The following CADPS2 variants were observed in gnomAD, a reference collection of about 807,000 sequenced individuals.
The protein encoded by CADPS2 is calcium-dependent secretion activator 2.
In CADPS2, 93 loss-of-function variants were observed where a neutral mutation model predicts 172.5. That is an observed-to-expected ratio of 0.54 (90% CI 0.46 to 0.64). CADPS2 has a LOEUF of 0.64. Ranked by LOEUF, CADPS2 falls within the 30% of genes least tolerant of loss-of-function variation. The pLI, the probability that CADPS2 is intolerant of heterozygous loss-of-function variation, is 0.00. For synonymous variants in CADPS2, 546 were observed against 555.2 expected, an observed-to-expected ratio of 0.98 and a Z score of 0.23; for missense variants, 1,420 against 1,565.9, an observed-to-expected ratio of 0.91 and a Z score of 1.57.
intron 2 of CADPS2, among the ~76,000 whole-genome samples, chr7:122,699,731 A>T (rs1228131361): frequency 6.6e-6 from 1 of 152,194 alleles, no homozygotes; most frequent in Non-Finnish European, 1.5e-5. Flanking sequence ...AGGAGTAAAG[A>T]AAGGACTGAT....
intron 28 of CADPS2, among the ~76,000 whole-genome samples, chr7:122,328,134 C>CACACACACACAT (rs1554430970): frequency 2.2e-5 from 3 of 135,132 alleles, no homozygotes; most frequent in Non-Finnish European, 4.9e-5. Context: ...AAAATGCAGA[C>CACACACACACAT]ACACACACAC....
chr7:122,661,850 AT>A (rs1166358522), intron 3 of CADPS2, among the ~76,000 whole-genome samples: 1 of 152,224 alleles, frequency 6.6e-6, no homozygotes, highest in Non-Finnish European at 1.5e-5. Context: ...GTTAATCAAC[AT>A]TTATTTGTAC....
intron 6 of CADPS2, among the ~76,000 whole-genome samples, chr7:122,601,941 TA>T (rs1223596765): frequency 6.6e-6 from 1 of 152,012 alleles, no homozygotes; most frequent in Non-Finnish European, 1.5e-5. Context: ...ATTATGATTT[TA>T]AAAAACTGTA....
At chr7:122,421,341 G>T (rs1347259591) in intron 17 of CADPS2, among the ~76,000 whole-genome samples, 1 of 152,144 alleles carries the variant, frequency 6.6e-6, no homozygotes, top group Non-Finnish European at 1.5e-5. Context: ...TGAGCTGATT[G>T]TATCTGTACT....
intron 2 of CADPS2, among the ~76,000 whole-genome samples, chr7:122,694,926 T>C (rs952158128): frequency 6.6e-6 from 1 of 152,182 alleles, no homozygotes; most frequent in African/African-American, 2.4e-5. Context: ...CCTTCCCAAA[T>C]GCTCATCTTT....
chr7:122,590,399 C>T (rs73433793), intron 6 of CADPS2, among the ~76,000 whole-genome samples: 6,447 of 151,868 alleles, frequency 0.042, 145 homozygotes, highest in South Asian at 0.1. Context: ...ATAACATGTT[C>T]TTTTATGTAA....
rs2085619692 is a variant in CADPS2, at chr7:122,699,066, T to C, written c.454-35497A>G. On this transcript the variant is annotated intron_variant, in intron 2 of 29. Coordinates refer to ENST00000449022, the MANE Select transcript of CADPS2 (RefSeq NM_017954.11). Reference sequence around the variant, plus strand: ...TGTTTTTGTAAGAAATTCTTAAAGATGGCTTATGAGTTTCAGATGTCTTAC... The same window carrying C: ...TGTTTTTGTAAGAAATTCTTAAAGACGGCTTATGAGTTTCAGATGTCTTAC... 1.3e-5 allele frequency: 8 copies of C among 612,484 alleles called. No individual in the cohort carries two copies. The South Asian group carries it at 1.4e-4, about 11-fold the overall frequency. The allele number at this position is 612,484 out of a possible 1,614,324, so 37.9% of individuals were successfully genotyped here. A position where few individuals can be genotyped will look rare whatever the true frequency, so the allele number is the denominator to read the frequency against.
chr7:122,872,723 A>C (rs1328749247), intron 1 of CADPS2, among the ~76,000 whole-genome samples: 1 of 152,146 alleles, frequency 6.6e-6, no homozygotes, highest in Non-Finnish European at 1.5e-5. Flanking sequence ...ATTTTCCTAA[A>C]TATGTTAAAC....
intron 1 of CADPS2, among the ~76,000 whole-genome samples, chr7:122,812,932 T>C (rs1317637388): frequency 6.6e-6 from 1 of 152,162 alleles, no homozygotes; most frequent in African/African-American, 2.4e-5. Flanking sequence ...ACATCGGATG[T>C]TTTTAGTTCA....
chr7:122,818,891 C>A (rs773505419), intron 1 of CADPS2, among the ~76,000 whole-genome samples: 1 of 152,116 alleles, frequency 6.6e-6, no homozygotes, highest in South Asian at 2.1e-4. Flanking sequence ...AACCCTGAGA[C>A]GCTTTACAGC....
At chr7:122,386,900 G>C in intron 24 of CADPS2, 126 bp downstream of exon 24, 1 of 916,978 alleles carries the variant, frequency 1.1e-6, no homozygotes, top group Non-Finnish European at 1.6e-6. Context: ...TTATAGTAAA[G>C]ATCAAACGTT....
intron 15 of CADPS2, among the ~76,000 whole-genome samples, chr7:122,448,577 G>A (rs891084599): frequency 2.6e-5 from 4 of 152,270 alleles, no homozygotes; most frequent in Middle Eastern, 3.4e-3. Context: ...AAATGACGTG[G>A]ACATCCCTGT....
At chr7:122,735,208 C>T (rs2092059846) in intron 2 of CADPS2, among the ~76,000 whole-genome samples, 1 of 152,092 alleles carries the variant, frequency 6.6e-6, no homozygotes, top group Non-Finnish European at 1.5e-5. Flanking sequence ...GGCACTGCAA[C>T]CAAACTCTAG....
intron 1 of CADPS2, among the ~76,000 whole-genome samples, chr7:122,822,802 C>T (rs1466069214): frequency 1.3e-5 from 2 of 151,862 alleles, no homozygotes; most frequent in Admixed American, 6.6e-5. Flanking sequence ...CCTTGCGACC[C>T]CCACTCCTGC....
At chr7:122,732,572 T>C (rs1278397209) in intron 2 of CADPS2, among the ~76,000 whole-genome samples, 1 of 148,664 alleles carries the variant, frequency 6.7e-6, no homozygotes, top group African/African-American at 2.4e-5. Flanking sequence ...AAGAATATAA[T>C]ATAATATATA....
intron 27 of CADPS2, among the ~76,000 whole-genome samples, chr7:122,351,148 G>T (rs557725464): frequency 2.6e-5 from 4 of 151,452 alleles, no homozygotes; most frequent in Admixed American, 2.6e-4. Flanking sequence ...GGCAGATCAC[G>T]AAGTCAGGAG....
intron 5 of CADPS2, 68 bp downstream of exon 5, chr7:122,621,413 G>T: frequency 9.7e-7 from 1 of 1,028,444 alleles, no homozygotes; most frequent in Admixed American, 2.1e-5. Context: ...TTACTGCAAA[G>T]GTCAACAGAA....
At chr7:122,527,406 A>T (rs2061323554) in intron 8 of CADPS2, among the ~76,000 whole-genome samples, 1 of 84,464 alleles carries the variant, frequency 1.2e-5, no homozygotes, top group Non-Finnish European at 2.4e-5. Context: ...TCTAACTCTC[A>T]CTAATATGCT....
At chr7:122,324,000 C>T (rs1244361246) in intron 29 of CADPS2, among the ~76,000 whole-genome samples, 7 of 149,556 alleles carry the variant, frequency 4.7e-5, no homozygotes, top group Non-Finnish European at 3.0e-5. Flanking sequence ...TTTATAGAAA[C>T]AAGAAACAAT....
Sources: gnomAD v4.1 joint callset for allele counts (sites outside exome capture counted in the v4.1 genomes callset) on GRCh38, gnomAD v4.1.1 for gene constraint, MANE v1.5 for transcripts, NCBI Gene and HGNC (gene_info 2026-07-23, HGNC 2026-07-21) for gene names.